The following BBX variants were observed in gnomAD, a reference collection of about 807,000 sequenced individuals.
BBX encodes HMG box transcription factor BBX.
BBX carries 30 observed loss-of-function variants against 100.2 expected under a neutral mutation model. The observed-to-expected ratio is 0.30, with a 90% CI of 0.22 to 0.41. The LOEUF (loss-of-function observed/expected upper bound fraction) is 0.41, where lower values mean the gene tolerates loss of function less well. Ranked by LOEUF, BBX falls within the 10% of genes least tolerant of loss-of-function variation. BBX has a pLI of 1.00. For synonymous variants in BBX, 376 were observed against 388.1 expected (o/e 0.97, Z 0.37); for missense variants, 1,023 against 1,129.8 (o/e 0.91, Z 1.35).
intron 2 of BBX, among the ~76,000 whole-genome samples, chr3:107,638,802 C>G (rs913682621): frequency 9.0e-6 from 1 of 111,096 alleles, no homozygotes; most frequent in African/African-American, 3.0e-5. Context: ...CACACACACA[C>G]ACACACACAC....
At chr3:107,753,848 T>G (rs2065261631) in intron 9 of BBX, among the ~76,000 whole-genome samples, 1 of 152,214 alleles carries the variant, frequency 6.6e-6, no homozygotes, top group Non-Finnish European at 1.5e-5. Flanking sequence ...TTAATAAATA[T>G]CCACACACAC....
At chr3:107,617,339 A>AT (rs902995244) in intron 2 of BBX, among the ~76,000 whole-genome samples, 5 of 146,398 alleles carry the variant, frequency 3.4e-5, no homozygotes, top group Non-Finnish European at 6.1e-5. Context: ...CACTTTATTC[A>AT]TTTTTTTTTC....
intron 2 of BBX, among the ~76,000 whole-genome samples, chr3:107,585,927 ACTTGGCTATTACT>A (rs1212071296): frequency 1.3e-5 from 2 of 152,224 alleles, no homozygotes; most frequent in African/African-American, 2.4e-5. Context: ...TTCAGTTTTC[ACTTGGCTATTACT>A]CTTGGTTAGG....
chr3:107,691,688 A>G (rs2060179215), intron 3 of BBX, among the ~76,000 whole-genome samples: 2 of 152,188 alleles, frequency 1.3e-5, no homozygotes, highest in Non-Finnish European at 1.5e-5. Context: ...AGATGATTGG[A>G]TTCATGCATT....
rs138334815 is a variant in BBX, at chr3:107,801,120, G to A, written c.2577G>A (p.Gln859=). Reference sequence around the variant, plus strand: ...ATGACAAACCAAAGGAACAACTGCAGAGGAGTCTCCCTAAAGCAACTGAGA... The same window carrying A: ...ATGACAAACCAAAGGAACAACTGCAAAGGAGTCTCCCTAAAGCAACTGAGA... ...TLDDKPKEQL[Q]RSLPKATETD... Residue 859 remains glutamine (Q), a synonymous_variant, in exon 17 of 18, where the codon CAG becomes CAA. Coordinates refer to ENST00000325805, the MANE Select transcript of BBX (RefSeq NM_001142568.3). 9 of 1,614,070 alleles carry A rather than the reference G, an allele frequency of 5.6e-6. No individual in the cohort carries two copies. The African/African-American group carries it at 1.1e-4, about 19-fold the overall frequency.
chr3:107,801,079 T>C lies in BBX; in HGVS notation c.2552-16T>C, dbSNP rs775958923. 1.2e-6 allele frequency: 2 copies of C among 1,612,472 alleles called. No individual in the cohort carries two copies. Among genetic ancestry groups the C allele is most frequent in the Non-Finnish European group, 1.7e-6 (2 of 1,179,028 alleles). On this transcript the variant is annotated splice_polypyrimidine_tract_variant and intron_variant, in intron 16 of 17. Transcript: ENST00000325805. ...ACAGAGTGATCCTCTCATGATGGAT[T>C]TCTCTTTTGTTACAGATGACAAACC...
chr3:107,720,182 A>G lies in BBX; in HGVS notation c.405+3333A>G, dbSNP rs569298659. Among the ~76,000 whole-genome samples, 234 of 152,102 alleles carry G rather than the reference A, an allele frequency of 1.5e-3. 1 individual carries two copies. Among genetic ancestry groups the G allele is most frequent in the African/African-American group, 5.2e-3 (217 of 41,542 alleles). ...TCTGAAGGAGTTAGTGTCTTGACCA[A>G]CCATACATTCAGTATACAGTGGAGC... On this transcript the variant is annotated intron_variant, in intron 5 of 17. Transcript: ENST00000325805.
chr3:107,638,828 CACACAG>C (rs2057023624), intron 2 of BBX, among the ~76,000 whole-genome samples: 1 of 108,354 alleles, frequency 9.2e-6, no homozygotes, highest in Non-Finnish European at 1.9e-5. Context: ...CACACACACA[CACACAG>C]ACAAATTAGC....
intron 3 of BBX, among the ~76,000 whole-genome samples, chr3:107,675,773 G>C (rs1236262451): frequency 6.6e-6 from 1 of 152,196 alleles, no homozygotes. Flanking sequence ...AATTGGTTTG[G>C]TGAACTTGAG....
chr3:107,559,155 T>C (rs1210206206), intron 2 of BBX, among the ~76,000 whole-genome samples: 1 of 152,198 alleles, frequency 6.6e-6, no homozygotes, highest in Non-Finnish European at 1.5e-5. Context: ...ATAATGGATA[T>C]CCCTAGATGC....
At chr3:107,747,851 A>G in intron 8 of BBX, 114 bp from the exon 9 acceptor site, 3 of 754,490 alleles carry the variant, frequency 4.0e-6, no homozygotes, top group Non-Finnish European at 6.4e-6. Context: ...ATTGAGGGTA[A>G]TGACTCATTT....
chr3:107,749,901 T>C (rs1012690468), intron 9 of BBX, among the ~76,000 whole-genome samples: 3 of 152,140 alleles, frequency 2.0e-5, no homozygotes, highest in African/African-American at 7.2e-5. Context: ...TCCAAAATGC[T>C]GGGATTACAG....
At position 107,661,397 on chromosome 3, in the gene BBX, T is replaced by A. The variant is rs550234943; in HGVS notation, c.-10+15488T>A. Among the ~76,000 whole-genome samples, 6 of 152,284 alleles carry A rather than the reference T, an allele frequency of 3.9e-5. No individual in the cohort carries two copies. In the East Asian group the frequency reaches 1.2e-3, roughly 29 times the overall value. ...TGTGTCTTGGGCAAGTCACATTACC[T>A]CTCTGACCTTCATTTTCTAAACTGG... On this transcript the variant is annotated intron_variant, in intron 3 of 17. Coordinates refer to ENST00000325805, the MANE Select transcript of BBX (RefSeq NM_001142568.3).
intron 2 of BBX, among the ~76,000 whole-genome samples, chr3:107,586,585 A>G (rs2052855700): frequency 6.6e-6 from 1 of 152,210 alleles, no homozygotes; most frequent in Non-Finnish European, 1.5e-5. Context: ...TTATGAGGCC[A>G]TGAAATATAC....
intron 17 of BBX, among the ~76,000 whole-genome samples, chr3:107,802,872 C>T (rs779795077): frequency 6.6e-6 from 1 of 152,186 alleles, no homozygotes; most frequent in Non-Finnish European, 1.5e-5. Context: ...GTGAACTGCT[C>T]TCCTTCTCCC....
intron 2 of BBX, among the ~76,000 whole-genome samples, chr3:107,572,302 C>G (rs890329013): frequency 6.6e-6 from 1 of 152,114 alleles, no homozygotes; most frequent in Admixed American, 6.5e-5. Context: ...TTGTGACAAT[C>G]ATTTATTTTT....
chr3:107,613,668 T>C (rs2055019334), intron 2 of BBX, among the ~76,000 whole-genome samples: 1 of 152,040 alleles, frequency 6.6e-6, no homozygotes, highest in Non-Finnish European at 1.5e-5. Flanking sequence ...ATCCATCACA[T>C]TGGGGAATAG....
At chr3:107,725,178 G>T (rs6804853) in intron 5 of BBX, among the ~76,000 whole-genome samples, 150,197 of 152,262 alleles carry the variant, frequency 0.99, 74,104 homozygotes, top group East Asian at 1. Context: ...CAGTTGTGAA[G>T]GGGAGTTCAC....
intron 3 of BBX, chr3:107,677,582 T>G (rs1271037032): frequency 6.6e-6 from 1 of 152,140 alleles, no homozygotes; most frequent in Non-Finnish European, 1.5e-5. Flanking sequence ...AGCCTACAAG[T>G]GGGCAAAATC....
Sources: gnomAD v4.1 joint callset for allele counts (sites outside exome capture counted in the v4.1 genomes callset) on GRCh38, gnomAD v4.1.1 for gene constraint, MANE v1.5 for transcripts, NCBI Gene and HGNC (gene_info 2026-07-23, HGNC 2026-07-21) for gene names.